UBXN7: variants seen among roughly 807,000 people sequenced by gnomAD.
UBXN7 encodes UBX domain protein 7.
Under a neutral mutation model 58.0 loss-of-function variants are expected in UBXN7, and 9 were observed. That is an observed-to-expected ratio of 0.16 (90% CI 0.09 to 0.27). UBXN7 has a LOEUF of 0.27. UBXN7 is among the 10% of genes least tolerant of loss of function. The pLI is 1.00. For missense variants in UBXN7, 328 were observed against 599.6 expected (o/e 0.55, Z 4.73); for synonymous variants, 208 against 205.0 (o/e 1.01, Z -0.12).
In UBXN7 at chr3:196,354,612, A is replaced by G. The variant is rs1363767187; in HGVS notation, c.*2073T>C. On this transcript the variant is annotated 3_prime_UTR_variant, in exon 11 of 11. Transcript: ENST00000296328. ...ACTACCAACAAATGTTTTACCCTCC[A>G]GTGCACCTTTGACAGTATACAGCTC... 1 of 152,168 alleles carries G rather than the reference A, an allele frequency of 6.6e-6. No homozygotes were observed. Among genetic ancestry groups the G allele is most frequent in the African/African-American group, 2.4e-5 (1 of 41,442 alleles). 9.4% of individuals were successfully genotyped at this position (152,168 alleles called of 1,614,324 possible). A position where few individuals can be genotyped will look rare whatever the true frequency, so the allele number is the denominator to read the frequency against.
intron 8 of UBXN7, among the ~76,000 whole-genome samples, chr3:196,363,252 A>G (rs920181634): frequency 2.6e-5 from 1 of 38,430 alleles, no homozygotes; most frequent in Admixed American, 3.1e-4. Context: ...ACATACATAA[A>G]TATATATATA....
intron 1 of UBXN7, among the ~76,000 whole-genome samples, chr3:196,419,391 G>T (rs1730606183): frequency 6.6e-6 from 1 of 152,200 alleles, no homozygotes; most frequent in Non-Finnish European, 1.5e-5. Context: ...GCGTTCCAAA[G>T]AAAGTACCAC....
At chr3:196,384,528 G>T (rs991530278) in intron 5 of UBXN7, among the ~76,000 whole-genome samples, 1 of 152,164 alleles carries the variant, frequency 6.6e-6, no homozygotes, top group Non-Finnish European at 1.5e-5. Context: ...TATCCCTGAT[G>T]AACATTGATG....
intron 10 of UBXN7, among the ~76,000 whole-genome samples, chr3:196,360,418 A>C (rs1298011509): frequency 6.6e-6 from 1 of 152,234 alleles, no homozygotes; most frequent in Non-Finnish European, 1.5e-5. Context: ...GCCAATGCTC[A>C]TTTAACATTC....
At chr3:196,404,099 AG>A (rs1297471470) in intron 2 of UBXN7, among the ~76,000 whole-genome samples, 1 of 137,152 alleles carries the variant, frequency 7.3e-6, no homozygotes, top group Non-Finnish European at 1.6e-5. Context: ...AAAAAGAAAA[AG>A]AAAAAAAAAA....
intron 1 of UBXN7, among the ~76,000 whole-genome samples, chr3:196,424,892 G>A (rs1730801440): frequency 6.6e-6 from 1 of 151,650 alleles, no homozygotes; most frequent in African/African-American, 2.4e-5. Flanking sequence ...AGTAGAGACG[G>A]GGTTTCACCA....
rs950936319 is a variant in UBXN7 at position 196,376,360 on chromosome 3, T to A, written c.469-4318A>T. Among the ~76,000 whole-genome samples, 19 of 151,468 alleles carry A rather than the reference T, an allele frequency of 1.3e-4. 1 individual carries two copies. Among genetic ancestry groups the A allele is most frequent in the African/African-American group, 4.6e-4 (19 of 41,372 alleles). The stretch of plus-strand genomic sequence containing the variant: ...GAGTTCGAGACCAGCTTGACCAATA[T>A]GGTGGTGAAACCTCGTCTCTACTAA... On this transcript the variant is annotated intron_variant, in intron 5 of 10. Coordinates refer to ENST00000296328, the MANE Select transcript of UBXN7 (RefSeq NM_015562.2).
chr3:196,411,612 G>A (rs1407702744), intron 1 of UBXN7, among the ~76,000 whole-genome samples: 1 of 152,172 alleles, frequency 6.6e-6, no homozygotes, highest in African/African-American at 2.4e-5. Context: ...AGGAGTTCGA[G>A]TCCACCTGAC....
At chr3:196,377,931 C>T (rs1454038840) in intron 5 of UBXN7, among the ~76,000 whole-genome samples, 1 of 152,126 alleles carries the variant, frequency 6.6e-6, no homozygotes, top group Non-Finnish European at 1.5e-5. Flanking sequence ...TTCAGCCTCC[C>T]ACCAAAGTGC....
intron 4 of UBXN7, among the ~76,000 whole-genome samples, chr3:196,392,198 A>C (rs997810854): frequency 6.6e-6 from 1 of 152,138 alleles, no homozygotes; most frequent in Non-Finnish European, 1.5e-5. Flanking sequence ...ACATATTCAG[A>C]AACTAACTGT....
At chr3:196,380,577 G>A (rs1159381803) in intron 5 of UBXN7, among the ~76,000 whole-genome samples, 3 of 152,240 alleles carry the variant, frequency 2.0e-5, no homozygotes, top group African/African-American at 7.2e-5. Flanking sequence ...GAAGACGGAC[G>A]ATTTCTGCAT....
intron 3 of UBXN7, among the ~76,000 whole-genome samples, chr3:196,401,623 C>T (rs1276019169): frequency 5.4e-5 from 8 of 149,152 alleles, no homozygotes; most frequent in African/African-American, 1.2e-4. Context: ...GGGTGGAGGG[C>T]GAGGATTGAA....
intron 1 of UBXN7, among the ~76,000 whole-genome samples, chr3:196,421,493 C>T (rs1029885737): frequency 6.6e-6 from 1 of 152,060 alleles, no homozygotes; most frequent in African/African-American, 2.4e-5. Context: ...GGATAGTGGC[C>T]GGGTGTGGTG....
chr3:196,395,604 T>G (rs1194238284), intron 3 of UBXN7, among the ~76,000 whole-genome samples: 1 of 151,390 alleles, frequency 6.6e-6, no homozygotes, highest in East Asian at 2.0e-4. Flanking sequence ...AGCACCATGT[T>G]CAGTTTTTTT....
chr3:196,426,068 C>T (rs2108627316), intron 1 of UBXN7, among the ~76,000 whole-genome samples: 1 of 152,128 alleles, frequency 6.6e-6, no homozygotes, highest in South Asian at 2.1e-4. Flanking sequence ...CCATTCGCAA[C>T]TCAAAATTAC....
At position 196,353,579 on chromosome 3, in the gene UBXN7, C is replaced by T. The variant is rs1275020549; in HGVS notation, c.*3106G>A. 1 of 151,860 alleles carries T rather than the reference C, an allele frequency of 6.6e-6. No individual in the cohort carries two copies. Among genetic ancestry groups the T allele is most frequent in the Non-Finnish European group, 1.5e-5 (1 of 67,998 alleles). The allele number at this position is 151,860 out of a possible 1,614,324, so 9.4% of individuals were successfully genotyped here. On this transcript the variant is annotated 3_prime_UTR_variant, in exon 11 of 11. Transcript: ENST00000296328. Reference sequence around the variant, plus strand: ...CTTGGCTCACTGCAACCTCTGCCTCCCAGGTTCAAGCCATTCCCCTGCCTC... The same window carrying T: ...CTTGGCTCACTGCAACCTCTGCCTCTCAGGTTCAAGCCATTCCCCTGCCTC...
At chr3:196,431,749 T>TCC (rs1281246853) in intron 1 of UBXN7, 2 of 448,822 alleles carry the variant, frequency 4.5e-6, no homozygotes, top group Non-Finnish European at 8.9e-6. Context: ...TGGCGGCCTG[T>TCC]CCCCCGTGAA....
intron 10 of UBXN7, among the ~76,000 whole-genome samples, chr3:196,359,263 G>A (rs896712052): frequency 1.3e-5 from 2 of 152,086 alleles, no homozygotes; most frequent in African/African-American, 2.4e-5. Context: ...CACAAACCAC[G>A]CCCACACAAG....
At chr3:196,406,610 T>G (rs914996329) in intron 2 of UBXN7, among the ~76,000 whole-genome samples, 1 of 151,862 alleles carries the variant, frequency 6.6e-6, no homozygotes, top group African/African-American at 2.4e-5. Context: ...TGGCTAATTT[T>G]TGTATTTTTT....
Sources: allele counts gnomAD v4.1 joint callset (sites outside exome capture counted in the v4.1 genomes callset), GRCh38; gene constraint gnomAD v4.1.1; transcripts MANE v1.5; gene names NCBI Gene and HGNC (gene_info 2026-07-23, HGNC 2026-07-21).